WDR19: variants seen among roughly 807,000 people sequenced by gnomAD.
The protein encoded by WDR19 is WD repeat-containing protein 19.
Under a neutral mutation model 180.0 loss-of-function variants are expected in WDR19, and 121 were observed. That is an observed-to-expected ratio of 0.67 (90% CI 0.58 to 0.78). The LOEUF is 0.78. Among genes scored for constraint, WDR19 ranks in the 30% least tolerant of loss-of-function variants. The probability of loss-of-function intolerance (pLI) is 0.00; values close to 1 mark genes in which losing one functional copy is unlikely to be tolerated. For synonymous variants in WDR19, 497 were observed against 540.7 expected, an observed-to-expected ratio of 0.92 and a Z score of 1.12; for missense variants, 1,450 against 1,640.7, an observed-to-expected ratio of 0.88 and a Z score of 2.01.
Position 39,281,236 on chromosome 4 carries a change from T to TAGAGAGAG in WDR19, c.*13+2593_*13+2600dup, listed in dbSNP as rs1553919999. On this transcript the variant is annotated intron_variant, in intron 36 of 36. Transcript: ENST00000399820. ...GTGTGTATATATATATATATATATA[T>TAGAGAGAG]AGAGAGAGAGAGAGAGAGAGAGAGA... is the stretch of plus-strand genomic sequence containing the variant. Among the ~76,000 whole-genome samples, 594 of 103,978 alleles carry TAGAGAGAG rather than the reference T, an allele frequency of 5.7e-3. 5 individuals are homozygous for TAGAGAGAG. Among genetic ancestry groups the TAGAGAGAG allele is most frequent in the Middle Eastern group, 0.021 (5 of 236 alleles). The allele number at this position is 103,978 out of a possible 152,430, so 68.2% of individuals were successfully genotyped here. A position where few individuals can be genotyped will look rare whatever the true frequency, so the allele number is the denominator to read the frequency against.
chr4:39,278,148 A>G lies in WDR19; in HGVS notation c.3858A>G (p.Lys1286=), dbSNP rs771565410. The G allele has an allele frequency of 4.4e-6, 7 of 1,606,140 alleles. No individual in the cohort carries two copies. In the South Asian group the frequency reaches 7.9e-5, roughly 18 times the overall value. The change falls in exon 35 of 37, where the codon AAA becomes AAG. Residue 1286 remains lysine (K), a synonymous_variant. Coordinates refer to ENST00000399820, the MANE Select transcript of WDR19 (RefSeq NM_025132.4). ...YCIATGRHML[K]DDWTVCPHCD... ...GTTTCCAGGGTCGACACATGTTGAA[A>G]GATGACTGGACGGTGTGTCCACATT...
At chr4:39,259,357 C>G (rs1483345071) in intron 28 of WDR19, among the ~76,000 whole-genome samples, 1 of 152,172 alleles carries the variant, frequency 6.6e-6, no homozygotes, top group African/African-American at 2.4e-5. Context: ...GGTTTGGGAT[C>G]CTCTAGTCTT....
chr4:39,241,042 TG>T (rs1209461625), intron 21 of WDR19, among the ~76,000 whole-genome samples: 2 of 152,082 alleles, frequency 1.3e-5, no homozygotes, highest in African/African-American at 4.8e-5. Context: ...TTTCTCATAC[TG>T]TATCTTTTAA....
chr4:39,221,910 C>G (rs1004258944), intron 14 of WDR19, among the ~76,000 whole-genome samples: 1 of 152,046 alleles, frequency 6.6e-6, no homozygotes, highest in African/African-American at 2.4e-5. Flanking sequence ...ATTTGCTTAT[C>G]CAAGAATTAT....
chr4:39,263,763 A>G (rs1734526096), intron 28 of WDR19, among the ~76,000 whole-genome samples: 1 of 152,100 alleles, frequency 6.6e-6, no homozygotes, highest in South Asian at 2.1e-4. Flanking sequence ...CATCTCTACT[A>G]AAAATGTAAA....
intron 14 of WDR19, among the ~76,000 whole-genome samples, chr4:39,222,624 T>G (rs1411121993): frequency 6.6e-6 from 1 of 152,252 alleles, no homozygotes; most frequent in Non-Finnish European, 1.5e-5. Flanking sequence ...GATATCCAGT[T>G]GTTCCAGCAC....
rs1727437080 is a variant in WDR19 at position 39,202,179 on chromosome 4, TCTCTC to T, written c.523-1458_523-1454del. 5.3e-5 allele frequency among the ~76,000 whole-genome samples: 8 copies of T among 152,306 alleles called. No homozygotes were observed. In the South Asian group the frequency reaches 1.7e-3, roughly 32 times the overall value. On this transcript the variant is annotated intron_variant, in intron 6 of 36. Transcript: ENST00000399820. ...TGTTGGACCTTCTTATGTCTCTTAA[TCTCTC>T]CTCTTCATAGTTTTATCTTTTTATC...
chr4:39,267,881 C>A, intron 29 of WDR19, 114 bp from the exon 30 acceptor site: 2 of 931,266 alleles, frequency 2.1e-6, no homozygotes, highest in South Asian at 1.5e-5. Flanking sequence ...GTTTTTAAAG[C>A]AATATCAATT....
At chr4:39,265,297 G>C in intron 28 of WDR19, among the ~76,000 whole-genome samples, 1 of 151,886 alleles carries the variant, frequency 6.6e-6, no homozygotes, top group Non-Finnish European at 1.5e-5. Flanking sequence ...GCTTGCTCTT[G>C]TCCAGGCTCC....
chr4:39,245,554 G>A, intron 24 of WDR19, 102 bp downstream of exon 24: 1 of 1,198,654 alleles, frequency 8.3e-7, no homozygotes, highest in Non-Finnish European at 1.2e-6. Context: ...ACCAGAGAAA[G>A]ACAGAAAACA....
intron 3 of WDR19, among the ~76,000 whole-genome samples, chr4:39,188,352 C>A (rs557717112): frequency 1.3e-5 from 2 of 151,886 alleles, no homozygotes; most frequent in Non-Finnish European, 2.9e-5. Context: ...GTTAAATAGA[C>A]CATTTCCTGT....
intron 9 of WDR19, among the ~76,000 whole-genome samples, chr4:39,211,691 T>G (rs1376571336): frequency 6.6e-6 from 1 of 152,148 alleles, no homozygotes; most frequent in Non-Finnish European, 1.5e-5. Context: ...ACTGAACTGC[T>G]TAAGTATACC....
chr4:39,205,646 A>G lies in WDR19; in HGVS notation c.800A>G (p.Glu267Gly). The change falls in exon 9 of 37, where the codon GAG (glutamate) becomes GGG (glycine). Residue 267 changes from glutamate to glycine, a missense_variant. Physicochemically the swap from Glu to Gly is moderately conservative, Grantham distance 98. Coordinates refer to ENST00000399820, the MANE Select transcript of WDR19 (RefSeq NM_025132.4). ...ACTCATACTGGAGAGCTTGGTCAAG[A>G]GATATTTCAGGCTCGTAACCATAAA... is the stretch of plus-strand genomic sequence containing the variant. ...ISTHTGELGQEIFQARNHKDN... is the reference protein window; with the variant it reads ...ISTHTGELGQGIFQARNHKDN... The G allele has an allele frequency of 6.2e-7, 1 of 1,612,920 alleles. No individual in the cohort carries two copies. Among genetic ancestry groups the G allele is most frequent in the Non-Finnish European group, 8.5e-7 (1 of 1,179,388 alleles).
Position 39,244,394 on chromosome 4 carries a change from C to G in WDR19, c.2562+6C>G. 1 of 1,613,950 alleles carries G rather than the reference C, an allele frequency of 6.2e-7. No homozygotes were observed. Among genetic ancestry groups the G allele is most frequent in the African/African-American group, 1.3e-5 (1 of 75,060 alleles). On this transcript the variant is annotated splice_donor_region_variant and intron_variant, in intron 22 of 36. Coordinates refer to ENST00000399820, the MANE Select transcript of WDR19 (RefSeq NM_025132.4). ...CCATATTGGAGAATATGAAGGTCCT[C>G]TTTTCTCTGCATCAATATACATGTG... is the stretch of plus-strand genomic sequence containing the variant.
At chr4:39,189,889 T>G in intron 4 of WDR19, 108 bp downstream of exon 4, 1 of 1,211,642 alleles carries the variant, frequency 8.3e-7, no homozygotes, top group Admixed American at 2.9e-5. Context: ...CCTCAATGAG[T>G]TATTTTCATA....
chr4:39,187,458 C>A (rs1333585590), intron 3 of WDR19, among the ~76,000 whole-genome samples: 1 of 151,624 alleles, frequency 6.6e-6, no homozygotes, highest in East Asian at 1.9e-4. Context: ...AGTCCCTCAC[C>A]TAAACTGACT....
chr4:39,202,704 G>C (rs1727496421), intron 6 of WDR19, among the ~76,000 whole-genome samples: 1 of 149,870 alleles, frequency 6.7e-6, no homozygotes, highest in Non-Finnish European at 1.5e-5. Flanking sequence ...AAAAAAAACT[G>C]CCTGAACTTA....
chr4:39,202,500 C>G (rs2109292218), intron 6 of WDR19, among the ~76,000 whole-genome samples: 1 of 152,028 alleles, frequency 6.6e-6, no homozygotes, highest in African/African-American at 2.4e-5. Flanking sequence ...ATCAGGGTGG[C>G]AAAATTATAT....
chr4:39,250,040 G>C (rs1293526098), intron 24 of WDR19, among the ~76,000 whole-genome samples: 1 of 151,724 alleles, frequency 6.6e-6, no homozygotes, highest in Admixed American at 6.6e-5. Flanking sequence ...GAGACACAAC[G>C]AAAAAAGAGA....
Sources: allele counts gnomAD v4.1 joint callset (sites outside exome capture counted in the v4.1 genomes callset), GRCh38; gene constraint gnomAD v4.1.1; transcripts MANE v1.5; gene names NCBI Gene and HGNC (gene_info 2026-07-23, HGNC 2026-07-21).